DNASE1: variants seen among roughly 807,000 people sequenced by gnomAD.
DNASE1 encodes deoxyribonuclease 1, also known as deoxyribonuclease-1.
Under a neutral mutation model 33.9 loss-of-function variants are expected in DNASE1, and 40 were observed. The observed-to-expected ratio is 1.18, with a 90% CI of 0.92 to 1.54. DNASE1 has a LOEUF of 1.54. Among genes scored for constraint, DNASE1 ranks in the 40% most tolerant of loss-of-function variants. The probability of loss-of-function intolerance (pLI) is 0.00; values close to 1 mark genes in which losing one functional copy is unlikely to be tolerated. For missense variants in DNASE1, 518 were observed against 372.6 expected, an observed-to-expected ratio of 1.39 and a Z score of -3.21; for synonymous variants, 216 against 160.0, an observed-to-expected ratio of 1.35 and a Z score of -2.64.
exon 10 of DNASE1, chr16:3,664,570 G>A: frequency 8.2e-7 from 1 of 1,225,360 alleles, no homozygotes; most frequent in Non-Finnish European, 1.1e-6. Flanking sequence ...ACTCCAGGCT[G>A]GCCCTGACCC....
At chr16:3,641,664 G>T (rs2042026496), upstream of DNASE1, among the ~76,000 whole-genome samples, 1 of 152,222 alleles carries the variant, frequency 6.6e-6, no homozygotes, top group Admixed American at 6.5e-5. Flanking sequence ...GCGGCCCCCA[G>T]AGAAGAATTT....
chr16:3,621,854 A>G (rs879353523), intron 1 of DNASE1, among the ~76,000 whole-genome samples: 1 of 152,212 alleles, frequency 6.6e-6, no homozygotes, highest in Non-Finnish European at 1.5e-5. Flanking sequence ...TTCCTGTAAC[A>G]TAAGTGGAAT....
At chr16:3,617,083 T>G (rs2041128829) in intron 1 of DNASE1, among the ~76,000 whole-genome samples, 1 of 151,908 alleles carries the variant, frequency 6.6e-6, no homozygotes, top group African/African-American at 2.4e-5. Flanking sequence ...GGCTCACCCC[T>G]GTAATCCCAG....
At chr16:3,618,841 A>G (rs925292495) in intron 1 of DNASE1, among the ~76,000 whole-genome samples, 2 of 152,074 alleles carry the variant, frequency 1.3e-5, no homozygotes, top group Non-Finnish European at 2.9e-5. Flanking sequence ...TACACTGAAC[A>G]TTTGCTTATT....
chr16:3,641,638 G>A (rs1189212614), upstream of DNASE1, among the ~76,000 whole-genome samples: 1 of 152,216 alleles, frequency 6.6e-6, no homozygotes, highest in East Asian at 1.9e-4. Context: ...AACACGAAGT[G>A]CTTTCTGCAC....
chr16:3,658,802 CAGCAGCT>C (rs770979480), downstream of DNASE1: 1 of 1,613,776 alleles, frequency 6.2e-7, no homozygotes, highest in South Asian at 1.1e-5. Flanking sequence ...CCTGATCCAC[CAGCAGCT>C]GAGCCAGGCC....
intron 4 of DNASE1, 126 bp downstream of exon 4, chr16:3,656,311 G>C: frequency 1.8e-6 from 2 of 1,090,768 alleles, no homozygotes; most frequent in Non-Finnish European, 2.7e-6. Context: ...AGGGTCCAGG[G>C]TGGAGTGAAA....
upstream of DNASE1, among the ~76,000 whole-genome samples, chr16:3,641,661 C>G (rs1215759239): frequency 6.6e-6 from 1 of 152,212 alleles, no homozygotes; most frequent in Non-Finnish European, 1.5e-5. Context: ...GTCGCGGCCC[C>G]CAGAGAAGAA....
chr16:3,642,240 C>T (rs1457333057), upstream of DNASE1, among the ~76,000 whole-genome samples: 1 of 152,246 alleles, frequency 6.6e-6, no homozygotes, highest in African/African-American at 2.4e-5. Context: ...GCAGCATCAT[C>T]TTCTGAGCAC....
chr16:3,653,823 A>AC (rs2042426994), upstream of DNASE1: 1 of 144,176 alleles, frequency 6.9e-6, no homozygotes, highest in African/African-American at 2.6e-5. Flanking sequence ...AAAAAAAAAA[A>AC]AAAAAAAAAA....
rs977088474 is a variant in DNASE1 at position 3,663,543 on chromosome 16, T to C, written c.*5590T>C. ...GTGCAGCAGGGTGAGCTCATCAAAC[T>C]GCTCAAAGCAGAAGAGAACCTGCAG... On this transcript the variant is annotated 3_prime_UTR_variant, in exon 10 of 10. Coordinates refer to the DNASE1 transcript ENST00000407479. 2.5e-6 allele frequency: 4 copies of C among 1,614,016 alleles called. No homozygotes were observed. The East Asian group carries it at 8.9e-5, about 36-fold the overall frequency.
At chr16:3,618,236 G>C (rs984967919) in intron 1 of DNASE1, among the ~76,000 whole-genome samples, 1 of 148,666 alleles carries the variant, frequency 6.7e-6, no homozygotes, top group Non-Finnish European at 1.5e-5. Flanking sequence ...ATGGCCAGTA[G>C]GACAGCCATT....
downstream of DNASE1, chr16:3,658,238 G>T (rs113792468): frequency 6.2e-7 from 1 of 1,611,544 alleles, no homozygotes; most frequent in Admixed American, 1.7e-5. Flanking sequence ...TATCTGAAAG[G>T]CAAGAGGAGA....
chr16:3,627,978 T>C (rs777057688), intron 1 of DNASE1, among the ~76,000 whole-genome samples: 5 of 151,264 alleles, frequency 3.3e-5, no homozygotes, highest in Non-Finnish European at 7.4e-5. Context: ...GGGATTTTGC[T>C]TCAGTTTACA....
At chr16:3,623,321 A>T (rs1778763291) in intron 1 of DNASE1, among the ~76,000 whole-genome samples, 1 of 152,154 alleles carries the variant, frequency 6.6e-6, no homozygotes, top group South Asian at 2.1e-4. Context: ...TCTATCTCTC[A>T]CCGCATACAA....
At chr16:3,658,798 C>A, downstream of DNASE1, 1 of 1,613,676 alleles carries the variant, frequency 6.2e-7, no homozygotes, top group Non-Finnish European at 8.5e-7. Flanking sequence ...CTCACCTGAT[C>A]CACCAGCAGC....
upstream of DNASE1, among the ~76,000 whole-genome samples, chr16:3,638,104 AGTGTGTGTGTGTGTGTGT>A: frequency 7.0e-6 from 1 of 143,558 alleles, no homozygotes; most frequent in Admixed American, 6.9e-5. Flanking sequence ...AGTTTTTGTG[AGTGTGTGTGTGTGTGTGT>A]GTGTGTGTGT....
At chr16:3,625,787 C>T (rs2041489815) in intron 1 of DNASE1, among the ~76,000 whole-genome samples, 1 of 152,088 alleles carries the variant, frequency 6.6e-6, no homozygotes, top group South Asian at 2.1e-4. Flanking sequence ...AATTAAGAAC[C>T]TTTATAAGGC....
chr16:3,625,105 A>C (rs1159492821), intron 1 of DNASE1, among the ~76,000 whole-genome samples: 1 of 152,094 alleles, frequency 6.6e-6, no homozygotes, highest in Non-Finnish European at 1.5e-5. Context: ...TTGGGAGTTC[A>C]AGACCAGCCT....
Sources: allele counts gnomAD v4.1 joint callset (sites outside exome capture counted in the v4.1 genomes callset), GRCh38; gene constraint gnomAD v4.1.1; transcripts MANE v1.5; gene names NCBI Gene and HGNC (gene_info 2026-07-23, HGNC 2026-07-21).